METTL15: variants seen among roughly 807,000 people sequenced by gnomAD.
METTL15 encodes 12S rRNA N(4)-cytidine methyltransferase METTL15.
In METTL15, 34 loss-of-function variants were observed where a neutral mutation model predicts 38.3. The observed-to-expected ratio is 0.89, with a 90% confidence interval of 0.68 to 1.18. The LOEUF (loss-of-function observed/expected upper bound fraction) is 1.18. METTL15 is among the 50% of genes most tolerant of loss of function. The pLI is 0.00. For synonymous variants in METTL15, 162 were observed against 170.9 expected, an observed-to-expected ratio of 0.95 and a Z score of 0.41; for missense variants, 438 against 498.4, an observed-to-expected ratio of 0.88 and a Z score of 1.15.
chr11:28,363,323 G>A (rs1279542867), intron 5 of METTL15, among the ~76,000 whole-genome samples: 2 of 152,012 alleles, frequency 1.3e-5, no homozygotes, highest in East Asian at 1.9e-4. Flanking sequence ...ACAGGCTTGT[G>A]CCACCAGGCC....
intron 6 of METTL15, among the ~76,000 whole-genome samples, chr11:28,474,958 T>A (rs888740999): frequency 3.9e-5 from 6 of 152,222 alleles, no homozygotes; most frequent in African/African-American, 1.4e-4. Flanking sequence ...GACTTGCTGG[T>A]GATACAGGTG....
intron 6 of METTL15, among the ~76,000 whole-genome samples, chr11:28,429,966 G>C (rs1256802960): frequency 2.0e-4 from 25 of 127,948 alleles, no homozygotes; most frequent in Admixed American, 1.3e-3. Context: ...GTCTCTGCCC[G>C]GCCGCCCATC....
At chr11:28,230,100 C>G (rs984363492) in intron 4 of METTL15, among the ~76,000 whole-genome samples, 13 of 151,930 alleles carry the variant, frequency 8.6e-5, no homozygotes, top group African/African-American at 3.1e-4. Context: ...AGGCTAAAAT[C>G]TTGAGTCACC....
intron 3 of METTL15, among the ~76,000 whole-genome samples, chr11:28,178,601 A>G (rs1182792347): frequency 6.6e-6 from 1 of 151,812 alleles, no homozygotes; most frequent in East Asian, 1.9e-4. Context: ...TTTTTGGTCA[A>G]GAACACTATT....
chr11:28,411,891 A>G (rs1329028410), intron 5 of METTL15, among the ~76,000 whole-genome samples: 2 of 152,108 alleles, frequency 1.3e-5, no homozygotes, highest in African/African-American at 2.4e-5. Flanking sequence ...TTACAATTCA[A>G]TTGCAGGAAA....
intron 6 of METTL15, among the ~76,000 whole-genome samples, chr11:28,469,333 G>A (rs1851284124): frequency 6.6e-6 from 1 of 152,164 alleles, no homozygotes; most frequent in Admixed American, 6.5e-5. Context: ...ATTTATGCAT[G>A]TGTGCATTGT....
Position 28,163,227 on chromosome 11 carries a change from TATTC to T in METTL15, c.271-47832_271-47829del, listed in dbSNP as rs1445265584. 2.0e-5 allele frequency: 8 copies of T among 394,914 alleles called. No individual in the cohort carries two copies. The East Asian group carries it at 2.9e-4, about 14-fold the overall frequency. The allele number at this position is 394,914 out of a possible 1,614,324, so 24.5% of individuals were successfully genotyped here. A position where few individuals can be genotyped will look rare whatever the true frequency, so the allele number is the denominator to read the frequency against. ...TTGGGTGTGATAATGAGTGGAGAAA[TATTC>T]ATGTGGGTGTTTTGATGATTAATTT... On this transcript the variant is annotated intron_variant, in intron 3 of 6. Transcript: ENST00000407364.
intron 5 of METTL15, among the ~76,000 whole-genome samples, chr11:28,369,998 C>G (rs191142056): frequency 1.3e-5 from 2 of 152,216 alleles, no homozygotes; most frequent in African/African-American, 4.8e-5. Flanking sequence ...TTAATAGAGT[C>G]ACTTAATTTA....
chr11:28,370,625 C>T (rs540722189), intron 5 of METTL15, among the ~76,000 whole-genome samples: 3 of 151,770 alleles, frequency 2.0e-5, no homozygotes, highest in Non-Finnish European at 4.4e-5. Flanking sequence ...TTTTGAGAAA[C>T]GTTCATACAT....
rs974508121 is a variant in METTL15 at position 28,226,170 on chromosome 11, T to C, written c.407+14972T>C. On this transcript the variant is annotated intron_variant, in intron 4 of 6. Transcript: ENST00000407364. ...ACATCAAGCAATAGGTTCCTTCTGG[T>C]GCTGTCTTGTGTCTCTGAGGCAGTG... 3.9e-5 allele frequency among the ~76,000 whole-genome samples: 6 copies of C among 151,984 alleles called. No individual in the cohort carries two copies. In the East Asian group the frequency reaches 9.6e-4, roughly 24 times the overall value.
At chr11:28,349,721 A>G (rs940339182) in intron 3 of METTL15, among the ~76,000 whole-genome samples, 66 of 152,328 alleles carry the variant, frequency 4.3e-4, no homozygotes, top group African/African-American at 1.5e-3. Flanking sequence ...AAGTATATTT[A>G]CCACATTGAG....
chr11:28,312,131 C>T (rs531923589), intron 6 of METTL15, among the ~76,000 whole-genome samples: 8 of 152,174 alleles, frequency 5.3e-5, no homozygotes, highest in Non-Finnish European at 1.2e-4. Context: ...TTCAGGTACA[C>T]CAGTAGCTCA....
At chr11:28,265,296 T>G (rs1005316800) in intron 4 of METTL15, among the ~76,000 whole-genome samples, 13 of 151,652 alleles carry the variant, frequency 8.6e-5, no homozygotes, top group African/African-American at 3.1e-4. Context: ...TCACAAGGTC[T>G]CAGCTACTCA....
rs76987785 is a variant in METTL15 at position 28,387,490 on chromosome 11, T to C, written c.*358+25454T>C. Among the ~76,000 whole-genome samples, 623 of 151,804 alleles carry C rather than the reference T, an allele frequency of 4.1e-3. 6 individuals carry two copies. Among genetic ancestry groups the C allele is most frequent in the African/African-American group, 0.014 (573 of 41,462 alleles). On this transcript the variant is annotated intron_variant and NMD_transcript_variant, in intron 5 of 7. Coordinates refer to the METTL15 transcript ENST00000532947. ...AACCATGCAAACTACCAAAACCGAA[T>C]TATAAAAAAATAAAAAGCCTGAACA...
At chr11:28,380,083 C>T (rs1266720415) in intron 5 of METTL15, among the ~76,000 whole-genome samples, 5 of 151,176 alleles carry the variant, frequency 3.3e-5, no homozygotes, top group African/African-American at 9.7e-5. Flanking sequence ...CATTTTTAGT[C>T]TATGTGTATC....
chr11:28,159,253 A>C (rs1850368230), intron 3 of METTL15, among the ~76,000 whole-genome samples: 1 of 152,134 alleles, frequency 6.6e-6, no homozygotes, highest in Non-Finnish European at 1.5e-5. Flanking sequence ...TATGAAGATG[A>C]AATCAGTCTA....
intron 6 of METTL15, chr11:28,516,985 C>T (rs571804074): frequency 3.9e-5 from 6 of 152,310 alleles, no homozygotes; most frequent in Admixed American, 2.6e-4. Flanking sequence ...CAAATGACAG[C>T]GATCCAGTTA....
chr11:28,231,653 G>A (rs781286441), intron 4 of METTL15, among the ~76,000 whole-genome samples: 1 of 151,618 alleles, frequency 6.6e-6, no homozygotes, highest in Admixed American at 6.6e-5. Flanking sequence ...TTTCACATTA[G>A]CTCACAATGT....
At chr11:28,118,535 T>G (rs982085459) in intron 3 of METTL15, among the ~76,000 whole-genome samples, 1 of 152,188 alleles carries the variant, frequency 6.6e-6, no homozygotes, top group African/African-American at 2.4e-5. Context: ...GCTAATAGAT[T>G]AACTTTTTAT....
Sources: gnomAD v4.1 joint callset for allele counts (sites outside exome capture counted in the v4.1 genomes callset) on GRCh38, gnomAD v4.1.1 for gene constraint, MANE v1.5 for transcripts, NCBI Gene and HGNC (gene_info 2026-07-23, HGNC 2026-07-21) for gene names.